Variants in ARAP2 observed in about 807,000 individuals in gnomAD.
ARAP2 encodes ArfGAP with RhoGAP domain, ankyrin repeat and PH domain 2.
A neutral mutation model predicts 194.5 loss-of-function variants in ARAP2; 148 were observed. The ratio of observed to expected loss-of-function variants is 0.76; its 90% CI spans 0.67 to 0.87. The LOEUF is 0.87. Among genes scored for constraint, ARAP2 ranks in the 40% least tolerant of loss-of-function variants. The pLI is 0.00. For synonymous variants in ARAP2, 695 were observed against 683.5 expected, an observed-to-expected ratio of 1.02 and a Z score of -0.26; for missense variants, 2,128 against 1,989.7, an observed-to-expected ratio of 1.07 and a Z score of -1.32.
chr4:36,138,875 A>T, intron 19 of ARAP2, among the ~76,000 whole-genome samples: 1 of 151,632 alleles, frequency 6.6e-6, no homozygotes, highest in East Asian at 1.9e-4. Flanking sequence ...TTTCTAAAAA[A>T]CTTAGTTTTT....
At chr4:36,233,124 T>G (rs558983638) in intron 1 of ARAP2, among the ~76,000 whole-genome samples, 41 of 152,328 alleles carry the variant, frequency 2.7e-4, no homozygotes, top group African/African-American at 9.1e-4. Flanking sequence ...TCCAATTGTC[T>G]GACATTTTAA....
chr4:36,083,329 A>C (rs200492277), intron 29 of ARAP2, 39 bp downstream of exon 29: 1 of 1,422,408 alleles, frequency 7.0e-7, no homozygotes, highest in Non-Finnish European at 9.8e-7. Flanking sequence ...TATTTTTCCC[A>C]TAAGTTTTTC....
intron 12 of ARAP2, among the ~76,000 whole-genome samples, chr4:36,161,101 TCTC>T (rs1273205457): frequency 5.9e-5 from 9 of 151,394 alleles, no homozygotes; most frequent in Non-Finnish European, 1.0e-4. Flanking sequence ...TTTCATTCAC[TCTC>T]CTATTATTTT....
chr4:36,213,559 C>T (rs535041913), intron 3 of ARAP2, among the ~76,000 whole-genome samples: 1 of 152,176 alleles, frequency 6.6e-6, no homozygotes, highest in East Asian at 1.9e-4. Context: ...CCTTAAATTG[C>T]AACCTGTCAC....
At chr4:36,047,225 A>G (rs1036012219) in intron 3 of ARAP2, 2 of 152,228 alleles carry the variant, frequency 1.3e-5, no homozygotes, top group Non-Finnish European at 2.9e-5. Flanking sequence ...ATATAAGCAC[A>G]CTCCAAACAA....
intron 6 of ARAP2, among the ~76,000 whole-genome samples, chr4:36,205,511 C>T (rs968839158): frequency 6.6e-6 from 1 of 151,672 alleles, no homozygotes; most frequent in Non-Finnish European, 1.5e-5. Context: ...TGTGAACACA[C>T]GATTTCTTTG....
At chr4:36,243,383 C>CAAAAAAAAAAAAAAAAAAAAAA (rs71201008) in intron 1 of ARAP2, among the ~76,000 whole-genome samples, 2 of 85,098 alleles carry the variant, frequency 2.4e-5, no homozygotes, top group African/African-American at 5.0e-5. Flanking sequence ...GACAAGCTTG[C>CAAAAAAAAAAAAAAAAAAAAAA]AAAAAAAAAA....
downstream of ARAP2, among the ~76,000 whole-genome samples, chr4:36,062,088 C>A (rs1037921025): frequency 2.0e-5 from 3 of 152,146 alleles, no homozygotes; most frequent in African/African-American, 7.2e-5. Flanking sequence ...TTTTGCCATT[C>A]TGTGGATTGT....
chr4:36,127,281 G>A (rs186689997), intron 21 of ARAP2, among the ~76,000 whole-genome samples: 97 of 152,140 alleles, frequency 6.4e-4, no homozygotes, highest in African/African-American at 2.3e-3. Context: ...TTAAAGCAAT[G>A]TATTTAGCTC....
chr4:36,115,790 A>G (rs1721174997), intron 25 of ARAP2, among the ~76,000 whole-genome samples: 1 of 152,012 alleles, frequency 6.6e-6, no homozygotes, highest in Non-Finnish European at 1.5e-5. Context: ...AATCATAAGC[A>G]TTAAAACCTA....
intron 6 of ARAP2, among the ~76,000 whole-genome samples, chr4:36,194,778 T>C (rs11727830): frequency 0.25 from 38,275 of 152,124 alleles, 5,440 homozygotes; most frequent in South Asian, 0.33. Context: ...CATTTTCACA[T>C]ATAAGCATTG....
chr4:36,222,936 T>C (rs1002368691), intron 2 of ARAP2, among the ~76,000 whole-genome samples: 1 of 152,110 alleles, frequency 6.6e-6, no homozygotes, highest in Non-Finnish European at 1.5e-5. Flanking sequence ...TACCTCCTTC[T>C]TCCTCATAAA....
At chr4:36,079,056 C>A (rs1728889734) in intron 31 of ARAP2, among the ~76,000 whole-genome samples, 1 of 151,550 alleles carries the variant, frequency 6.6e-6, no homozygotes, top group African/African-American at 2.4e-5. Flanking sequence ...CGCCTGTAAT[C>A]CCAGATACTC....
At chr4:36,078,576 A>C (rs780335261) in intron 31 of ARAP2, among the ~76,000 whole-genome samples, 2 of 152,176 alleles carry the variant, frequency 1.3e-5, no homozygotes, top group African/African-American at 2.4e-5. Context: ...TTCTGTGTTT[A>C]TCTTAAGGGA....
intron 6 of ARAP2, among the ~76,000 whole-genome samples, chr4:36,208,060 G>A (rs1225261831): frequency 2.6e-5 from 4 of 152,158 alleles, no homozygotes; most frequent in Non-Finnish European, 5.9e-5. Flanking sequence ...CTGTCCCCAC[G>A]GAGCTTGTAT....
chr4:36,123,141 C>CT (rs1320249586), intron 22 of ARAP2, among the ~76,000 whole-genome samples: 1 of 151,782 alleles, frequency 6.6e-6, no homozygotes, highest in Non-Finnish European at 1.5e-5. Flanking sequence ...AATGTCTATG[C>CT]TTTTACAGTA....
At chr4:36,184,276 CATATAT>C (rs10602029) in intron 8 of ARAP2, among the ~76,000 whole-genome samples, 1,595 of 148,602 alleles carry the variant, frequency 0.011, 20 homozygotes, top group African/African-American at 0.037. Context: ...GATGCATAAA[CATATAT>C]ATATATATAT....
intron 27 of ARAP2, 68 bp from the exon 28 acceptor site, chr4:36,092,088 A>G (rs1332156162): frequency 7.0e-7 from 1 of 1,426,642 alleles, no homozygotes; most frequent in Admixed American, 2.3e-5. Context: ...AATACAAAAC[A>G]TTTCTATATT....
chr4:36,225,052 A>T (rs549916513), intron 2 of ARAP2, among the ~76,000 whole-genome samples: 1 of 152,326 alleles, frequency 6.6e-6, no homozygotes, highest in South Asian at 2.1e-4. Context: ...TTTAATAAAA[A>T]GTTCAAAGAA....
Sources: gnomAD v4.1 joint callset for allele counts (sites outside exome capture counted in the v4.1 genomes callset) on GRCh38, gnomAD v4.1.1 for gene constraint, MANE v1.5 for transcripts, NCBI Gene and HGNC (gene_info 2026-07-23, HGNC 2026-07-21) for gene names.